PAM: variants seen among roughly 807,000 people sequenced by gnomAD.
PAM encodes peptidylglycine alpha-amidating monooxygenase.
In PAM, 72 loss-of-function variants were observed where a neutral mutation model predicts 122.1. The observed-to-expected ratio is 0.59, with a 90% CI of 0.49 to 0.72. PAM has a LOEUF of 0.72. Among genes scored for constraint, PAM ranks in the 30% least tolerant of loss-of-function variants. PAM has a pLI of 0.00. For synonymous variants in PAM, 389 were observed against 404.4 expected (o/e 0.96, Z 0.46); for missense variants, 1,106 against 1,183.7 (o/e 0.93, Z 0.96).
At chr5:102,762,625 T>C (rs1752673692) in intron 1 of PAM, among the ~76,000 whole-genome samples, 1 of 152,118 alleles carries the variant, frequency 6.6e-6, no homozygotes, top group Non-Finnish European at 1.5e-5. Context: ...CTGGGGAGAA[T>C]TTAGAATTAT....
intron 3 of PAM, among the ~76,000 whole-genome samples, chr5:102,885,081 CTA>C (rs72500464): frequency 7.5e-6 from 1 of 133,548 alleles, no homozygotes. Context: ...TGTTTAATAA[CTA>C]TATATATATA....
intron 15 of PAM, among the ~76,000 whole-genome samples, chr5:102,983,699 A>G (rs1562130659): frequency 6.6e-6 from 1 of 152,168 alleles, no homozygotes; most frequent in South Asian, 2.1e-4. Context: ...ATCCCCAAAT[A>G]GCTTCAACGT....
At chr5:102,953,751 T>C (rs981953265) in intron 12 of PAM, among the ~76,000 whole-genome samples, 3 of 152,194 alleles carry the variant, frequency 2.0e-5, no homozygotes, top group Non-Finnish European at 4.4e-5. Flanking sequence ...CAATGGCTCA[T>C]GCCTGTAATC....
chr5:103,020,128 GA>G (rs1017043972), intron 23 of PAM, among the ~76,000 whole-genome samples: 5 of 151,900 alleles, frequency 3.3e-5, no homozygotes, highest in African/African-American at 9.6e-5. Context: ...ATTCCGAGAA[GA>G]AAAAAAGTCA....
intron 7 of PAM, among the ~76,000 whole-genome samples, chr5:102,940,149 C>CACAT (rs1754668882): frequency 6.8e-6 from 1 of 146,788 alleles, no homozygotes; most frequent in Non-Finnish European, 1.5e-5. Flanking sequence ...CACACACACA[C>CACAT]ATACACACAC....
intron 1 of PAM, among the ~76,000 whole-genome samples, chr5:102,803,694 T>G (rs1382469341): frequency 1.3e-5 from 2 of 152,144 alleles, no homozygotes; most frequent in African/African-American, 4.8e-5. Flanking sequence ...TTTAAAAGAT[T>G]GAAAAAATTG....
rs781404877 is a variant in PAM, at chr5:102,988,638, GAAGGA to G, written c.1484-1624_1484-1620del. On this transcript the variant is annotated intron_variant, in intron 15 of 25. Coordinates refer to ENST00000438793, the MANE Select transcript of PAM (RefSeq NM_001177306.2). ...GAAAGGAAAGGAAAGGGAAAAAAAA[GAAGGA>G]AAGGAAAGGGAAGGGGAGGAAAGGA... 4.9e-3 allele frequency among the ~76,000 whole-genome samples: 669 copies of G among 136,376 alleles called. 4 individuals are homozygous for G. The highest frequency in any genetic ancestry group is 0.019 in the African/African-American group (607 of 31,154). 89.5% of individuals were successfully genotyped at this position (136,376 alleles called of 152,430 possible).
At position 102,866,274 on chromosome 5, in the gene PAM, G is replaced by A. The variant is rs199856250; in HGVS notation, c.79G>A (p.Val27Ile). The change falls in exon 2 of 26, where the codon GTC becomes ATC. Residue 27 changes from valine to isoleucine, a missense_variant. Val to Ile is a conservative substitution (Grantham distance 29). Around this residue, in one of 3 missense-constraint regions of PAM, gnomAD observed 670 missense variants for 690.3 expected, o/e 0.97. Coordinates refer to ENST00000438793, the MANE Select transcript of PAM (RefSeq NM_001177306.2). ...SCLAFRSPLS[V>I]FKRFKETTRP... ...TTTGGCTTTCCGAAGCCCACTTTCT[G>A]TCTTTAAGAGGTGGGTGTTCGTTGT... The A allele has an allele frequency of 1.2e-5, 20 of 1,606,644 alleles. No homozygotes were observed. The Middle Eastern group carries it at 8.3e-4, about 66-fold the overall frequency.
chr5:102,988,818 A>T lies in PAM; in HGVS notation c.1484-1454A>T, dbSNP rs139319733. ...GTGCTATGTTTTGTTAATTTTTATTAAAAAAATGTACAAAGTTTAAAATAT... is the reference window on the plus strand; with the variant it reads ...GTGCTATGTTTTGTTAATTTTTATTTAAAAAATGTACAAAGTTTAAAATAT... On this transcript the variant is annotated intron_variant, in intron 15 of 25. Transcript: ENST00000438793. Among the ~76,000 whole-genome samples, 10 of 151,776 alleles carry T rather than the reference A, an allele frequency of 6.6e-5. No homozygotes were observed. In the East Asian group the frequency reaches 1.5e-3, roughly 23 times the overall value.
intron 17 of PAM, among the ~76,000 whole-genome samples, chr5:103,004,779 A>G (rs543315477): frequency 3.3e-5 from 5 of 152,306 alleles, no homozygotes; most frequent in African/African-American, 9.6e-5. Flanking sequence ...ACCGCAAACT[A>G]TATCAATCCA....
intron 1 of PAM, among the ~76,000 whole-genome samples, chr5:102,823,122 G>C (rs1772514331): frequency 6.6e-6 from 1 of 152,154 alleles, no homozygotes; most frequent in African/African-American, 2.4e-5. Context: ...CTTCAACCAT[G>C]ATAGCAGAAA....
At chr5:102,770,426 G>A (rs568322969) in intron 1 of PAM, among the ~76,000 whole-genome samples, 1 of 152,074 alleles carries the variant, frequency 6.6e-6, no homozygotes, top group Non-Finnish European at 1.5e-5. Flanking sequence ...AGTGACAGTG[G>A]GCCTCCTTGT....
At chr5:102,776,928 G>A (rs891292418) in intron 1 of PAM, among the ~76,000 whole-genome samples, 1 of 151,864 alleles carries the variant, frequency 6.6e-6, no homozygotes, top group African/African-American at 2.4e-5. Flanking sequence ...TTTAAATTTT[G>A]TAAATGGGTG....
chr5:102,770,383 G>A (rs1403187301), intron 1 of PAM, among the ~76,000 whole-genome samples: 1 of 152,018 alleles, frequency 6.6e-6, no homozygotes, highest in Non-Finnish European at 1.5e-5. Flanking sequence ...GATTGTTCTA[G>A]TTAGGACTTC....
At chr5:102,766,539 T>C (rs1165757623) in intron 1 of PAM, among the ~76,000 whole-genome samples, 1 of 152,210 alleles carries the variant, frequency 6.6e-6, no homozygotes, top group Non-Finnish European at 1.5e-5. Context: ...GAAGCTTGGC[T>C]TGCTTGCCCA....
chr5:103,021,054 A>G (rs1783398715), intron 23 of PAM, among the ~76,000 whole-genome samples: 1 of 152,170 alleles, frequency 6.6e-6, no homozygotes, highest in South Asian at 2.1e-4. Flanking sequence ...AATAGTAGCT[A>G]TCACTTACAG....
At chr5:102,754,971 G>A (rs906780234), upstream of PAM, 1 of 152,262 alleles carries the variant, frequency 6.6e-6, no homozygotes, top group African/African-American at 2.4e-5. Context: ...CAGCACACGC[G>A]ACCCCCGCAG....
chr5:103,005,078 G>A, intron 17 of PAM, 76 bp from the exon 18 acceptor site: 1 of 828,366 alleles, frequency 1.2e-6, no homozygotes, highest in Non-Finnish European at 2.1e-6. Flanking sequence ...TGTCTTTACA[G>A]ATTAATTAGA....
At chr5:102,762,710 G>A (rs377753933) in intron 1 of PAM, among the ~76,000 whole-genome samples, 6 of 152,134 alleles carry the variant, frequency 3.9e-5, no homozygotes, top group African/African-American at 1.2e-4. Context: ...CCTTTAACCC[G>A]TGATACCCTG....
Sources: allele counts gnomAD v4.1 joint callset (sites outside exome capture counted in the v4.1 genomes callset), GRCh38; gene constraint gnomAD v4.1.1; regional missense constraint gnomAD v4.1.1; transcripts MANE v1.5; gene names NCBI Gene and HGNC (gene_info 2026-07-23, HGNC 2026-07-21).